Variants in HIVEP1 observed in about 807,000 individuals in gnomAD.
HIVEP1 encodes HIVEP zinc finger 1, also known as zinc finger protein 40.
Under a neutral mutation model 180.0 loss-of-function variants are expected in HIVEP1, and 36 were observed. The ratio of observed to expected loss-of-function variants is 0.20; its 90% confidence interval spans 0.15 to 0.26. The LOEUF (loss-of-function observed/expected upper bound fraction) is 0.26, where lower values mean the gene tolerates loss of function less well. Ranked by LOEUF, HIVEP1 falls within the 10% of genes least tolerant of loss-of-function variation. HIVEP1 has a pLI of 1.00. For missense variants in HIVEP1, 3,143 were observed against 3,268.7 expected, an observed-to-expected ratio of 0.96 and a Z score of 0.94; for synonymous variants, 1,239 against 1,239.0, an observed-to-expected ratio of 1.00 and a Z score of 0.00.
intron 6 of HIVEP1, among the ~76,000 whole-genome samples, chr6:12,133,758 A>G (rs1261140673): frequency 6.6e-6 from 1 of 152,174 alleles, no homozygotes; most frequent in African/African-American, 2.4e-5. Flanking sequence ...CAAGGCAGGC[A>G]GATTGCCTGA....
chr6:12,172,814 A>C, the HIVEP1 span, among the ~76,000 whole-genome samples: 1 of 146,938 alleles, frequency 6.8e-6, no homozygotes, highest in East Asian at 2.0e-4. Context: ...CTACTGTTCC[A>C]TGCTGCTTTT....
chr6:12,043,355 ATTTT>A (rs1304144063), intron 2 of HIVEP1, among the ~76,000 whole-genome samples: 2 of 109,904 alleles, frequency 1.8e-5, no homozygotes, highest in African/African-American at 3.3e-5. Context: ...CTAAGTGAAA[ATTTT>A]TTTTTTTTTT....
At chr6:12,162,664 GCC>G (rs1292171899) in intron 8 of HIVEP1, among the ~76,000 whole-genome samples, 8 of 152,136 alleles carry the variant, frequency 5.3e-5, no homozygotes, top group Non-Finnish European at 1.2e-4. Context: ...TAGGATTTAT[GCC>G]TAATTGTGGC....
intron 7 of HIVEP1, among the ~76,000 whole-genome samples, chr6:12,158,241 G>A (rs1760174520): frequency 6.6e-6 from 1 of 152,118 alleles, no homozygotes; most frequent in African/African-American, 2.4e-5. Flanking sequence ...CTAGAAATGT[G>A]CATGCCTCTC....
At chr6:12,173,469 T>C in the HIVEP1 span, among the ~76,000 whole-genome samples, 2 of 152,220 alleles carry the variant, frequency 1.3e-5, no homozygotes, top group African/African-American at 4.8e-5. Context: ...TTATACATTT[T>C]AGCTATAAAA....
chr6:12,012,185 G>T, upstream of HIVEP1: 1 of 137,348 alleles, frequency 7.3e-6, no homozygotes, highest in South Asian at 2.2e-4. Context: ...CCGTGGCTCC[G>T]GGCGCCGGCG....
chr6:12,120,481 C>T lies in HIVEP1; in HGVS notation c.686C>T (p.Thr229Ile), dbSNP rs576398470. 3.7e-6 allele frequency: 6 copies of T among 1,614,170 alleles called. No individual in the cohort carries two copies. The African/African-American group carries it at 6.7e-5, about 18-fold the overall frequency. Residue 229 changes from threonine (T) to isoleucine (I), a missense_variant, in exon 4 of 9, where the codon ACT becomes ATT. Physicochemically the swap from Thr to Ile is moderately conservative, Grantham distance 89 (BLOSUM62 -1). Transcript: ENST00000379388. ...IKTEKLRPNK[T>I]ARSPPKLKNS... ...ACAGAAAAACTGAGGCCAAATAAAA[C>T]TGCACGTTCCCCTCCCAAATTAAAA...
intron 2 of HIVEP1, among the ~76,000 whole-genome samples, chr6:12,060,566 C>G (rs920041493): frequency 2.0e-5 from 3 of 152,222 alleles, no homozygotes; most frequent in African/African-American, 7.2e-5. Context: ...TGGCCTCTCT[C>G]TCTCTGTCGT....
chr6:12,081,578 C>T (rs75884699), intron 2 of HIVEP1, among the ~76,000 whole-genome samples: 2,706 of 152,178 alleles, frequency 0.018, 78 homozygotes, highest in African/African-American at 0.063. Flanking sequence ...AACCAATGCT[C>T]GGCCTGGACT....
chr6:12,073,705 G>A (rs62395295), intron 2 of HIVEP1, among the ~76,000 whole-genome samples: 36,603 of 152,048 alleles, frequency 0.24, 5,410 homozygotes, highest in Non-Finnish European at 0.32. Flanking sequence ...TTAGAAGGAG[G>A]GTTAGTCTCA....
intron 3 of HIVEP1, among the ~76,000 whole-genome samples, chr6:12,091,655 A>G (rs778501101): frequency 1.3e-5 from 2 of 152,172 alleles, no homozygotes; most frequent in African/African-American, 4.8e-5. Context: ...AGAATAAAGA[A>G]ATGCACTAAA....
At chr6:12,050,244 C>T (rs2113712973) in intron 2 of HIVEP1, among the ~76,000 whole-genome samples, 1 of 152,324 alleles carries the variant, frequency 6.6e-6, no homozygotes, top group South Asian at 2.1e-4. Flanking sequence ...GCATCCTCAT[C>T]TGTGAATAAC....
chr6:12,089,604 C>CTT (rs5874363), intron 3 of HIVEP1, among the ~76,000 whole-genome samples: 17 of 145,830 alleles, frequency 1.2e-4, no homozygotes, highest in South Asian at 1.1e-3. Flanking sequence ...ATGCAGTTTT[C>CTT]TTTTTTTTTT....
chr6:12,026,667 C>T (rs762226860), intron 2 of HIVEP1, among the ~76,000 whole-genome samples: 11 of 152,158 alleles, frequency 7.2e-5, no homozygotes, highest in African/African-American at 1.7e-4. Context: ...GAAGATCGTT[C>T]GGTGGCTAGG....
the HIVEP1 span, among the ~76,000 whole-genome samples, chr6:12,189,082 G>C: frequency 6.6e-6 from 1 of 151,930 alleles, no homozygotes; most frequent in Non-Finnish European, 1.5e-5. Flanking sequence ...CTAGAGAAAT[G>C]ATGATTCATT....
rs1283831473 is a variant in HIVEP1 at position 12,130,762 on chromosome 6, A to T, written c.6210-5A>T. 5.9e-6 allele frequency: 9 copies of T among 1,535,194 alleles called. No homozygotes were observed. Among genetic ancestry groups the T allele is most frequent in the Admixed American group, 3.7e-5 (2 of 53,876 alleles). On this transcript the variant is annotated splice_polypyrimidine_tract_variant and splice_region_variant and intron_variant, in intron 5 of 8. Transcript: ENST00000379388. Reference sequence around the variant, plus strand: ...CTCCCTATTCATTTTTTTTCTTTAAATTAGATATAAGTCAAATGAAGAGTA... The same window carrying T: ...CTCCCTATTCATTTTTTTTCTTTAATTTAGATATAAGTCAAATGAAGAGTA...
chr6:12,143,418 C>A (rs1581775265), intron 7 of HIVEP1, among the ~76,000 whole-genome samples: 1 of 152,196 alleles, frequency 6.6e-6, no homozygotes, highest in East Asian at 1.9e-4. Flanking sequence ...GACAAACCCA[C>A]AACCAATATC....
intron 3 of HIVEP1, among the ~76,000 whole-genome samples, chr6:12,093,582 G>T (rs535604185): frequency 8.0e-4 from 122 of 151,580 alleles, no homozygotes; most frequent in African/African-American, 2.8e-3. Context: ...TGTAAGTTAG[G>T]ATTCAAGTTT....
chr6:12,168,424 T>C (rs1274706270), downstream of HIVEP1, among the ~76,000 whole-genome samples: 3 of 143,448 alleles, frequency 2.1e-5, no homozygotes, highest in Non-Finnish European at 3.0e-5. Flanking sequence ...TTAGTGGCAA[T>C]AACTCCCTGC....
Sources: allele counts gnomAD v4.1 joint callset (sites outside exome capture counted in the v4.1 genomes callset), GRCh38; gene constraint gnomAD v4.1.1; transcripts MANE v1.5; gene names NCBI Gene and HGNC (gene_info 2026-07-23, HGNC 2026-07-21).